MARCHF1: variants seen among roughly 807,000 people sequenced by gnomAD.
MARCHF1 encodes the protein E3 ubiquitin-protein ligase MARCHF1.
A neutral mutation model predicts 54.2 loss-of-function variants in MARCHF1; 40 were observed. The ratio of observed to expected loss-of-function variants is 0.74; its 90% confidence interval spans 0.57 to 0.96. MARCHF1 has a LOEUF of 0.96. Ranked by LOEUF, MARCHF1 falls within the 40% of genes least tolerant of loss-of-function variation. The pLI is 0.00. For synonymous variants in MARCHF1, 236 were observed against 236.3 expected, an observed-to-expected ratio of 1.00 and a Z score of 0.01; for missense variants, 586 against 656.5, an observed-to-expected ratio of 0.89 and a Z score of 1.17.
At chr4:164,349,616 AAAAGTTTT>A in intron 1 of MARCHF1, among the ~76,000 whole-genome samples, 1 of 152,210 alleles carries the variant, frequency 6.6e-6, no homozygotes, top group Non-Finnish European at 1.5e-5. Flanking sequence ...TTTAGAGAGT[AAAAGTTTT>A]CATAAGACTT....
At chr4:164,028,267 C>A (rs1039925576) in intron 2 of MARCHF1, among the ~76,000 whole-genome samples, 23 of 152,242 alleles carry the variant, frequency 1.5e-4, no homozygotes, top group Middle Eastern at 3.4e-3. Flanking sequence ...AAGACACATG[C>A]ATTTGTATGT....
intron 1 of MARCHF1, among the ~76,000 whole-genome samples, chr4:164,169,151 A>G (rs1730460831): frequency 4.6e-5 from 7 of 152,106 alleles, no homozygotes; most frequent in Admixed American, 4.6e-4. Flanking sequence ...CTTCATAATA[A>G]CCATTTTACT....
intron 4 of MARCHF1, among the ~76,000 whole-genome samples, chr4:163,823,340 T>C (rs545035173): frequency 2.0e-5 from 3 of 151,980 alleles, no homozygotes; most frequent in East Asian, 1.9e-4. Flanking sequence ...GTAGTTGATA[T>C]ATGATAGAAT....
At chr4:163,841,946 T>C (rs1006620996) in intron 4 of MARCHF1, among the ~76,000 whole-genome samples, 1 of 152,124 alleles carries the variant, frequency 6.6e-6, no homozygotes, top group Non-Finnish European at 1.5e-5. Context: ...GCTGTACTTA[T>C]GGATTATTTC....
intron 1 of MARCHF1, among the ~76,000 whole-genome samples, chr4:164,376,256 G>A (rs1433952581): frequency 6.6e-6 from 1 of 152,104 alleles, no homozygotes; most frequent in Non-Finnish European, 1.5e-5. Context: ...TTATTTAAAT[G>A]GTCTCACTTG....
At chr4:163,682,597 G>A (rs911072348) in intron 5 of MARCHF1, among the ~76,000 whole-genome samples, 6 of 152,174 alleles carry the variant, frequency 3.9e-5, no homozygotes, top group African/African-American at 1.4e-4. Context: ...GGTACAGCTT[G>A]GGCCAGATTA....
At chr4:163,683,039 TATA>T (rs1744156310) in intron 5 of MARCHF1, among the ~76,000 whole-genome samples, 1 of 152,150 alleles carries the variant, frequency 6.6e-6, no homozygotes, top group Admixed American at 6.5e-5. Flanking sequence ...CAAATAGAAG[TATA>T]ATATCTTGAG....
chr4:163,700,702 C>G (rs1349977101), intron 5 of MARCHF1, 111 bp downstream of exon 5: 3 of 788,098 alleles, frequency 3.8e-6, no homozygotes, highest in Middle Eastern at 2.8e-4. Flanking sequence ...ATGAACAAAT[C>G]ACATTTGTGT....
chr4:163,873,108 T>C (rs932975941), intron 3 of MARCHF1, among the ~76,000 whole-genome samples: 3 of 152,134 alleles, frequency 2.0e-5, no homozygotes, highest in African/African-American at 7.2e-5. Flanking sequence ...GATGAAGTCA[T>C]AGTTTTGTTA....
intron 4 of MARCHF1, among the ~76,000 whole-genome samples, chr4:163,821,816 A>C (rs1748700750): frequency 6.6e-6 from 1 of 150,462 alleles, no homozygotes; most frequent in Non-Finnish European, 1.5e-5. Flanking sequence ...TGTAAAAGAG[A>C]GCTCAGAGAA....
chr4:163,700,797 T>C lies in MARCHF1; in HGVS notation c.162+16A>G, dbSNP rs1248564190. The C allele has an allele frequency of 2.0e-6, 3 of 1,532,548 alleles. No homozygotes were observed. In the East Asian group the frequency reaches 7.4e-5, roughly 38 times the overall value. The allele number at this position is 1,532,548 out of a possible 1,614,324, so 94.9% of individuals were successfully genotyped here. On this transcript the variant is annotated intron_variant, in intron 5 of 9. Transcript: ENST00000514618. ...GTGCAGAAGTCAACAAACAAGAAAATGAGTACTTCACCTACTTTTGAAATG... is the reference window on the plus strand; with the variant it reads ...GTGCAGAAGTCAACAAACAAGAAAACGAGTACTTCACCTACTTTTGAAATG...
chr4:164,050,275 CAAAAAAAAAAAAAAAAAAA>C (rs34642436), intron 2 of MARCHF1, among the ~76,000 whole-genome samples: 1 of 40,166 alleles, frequency 2.5e-5, no homozygotes, highest in Non-Finnish European at 4.2e-5. Context: ...ACACTGTCTC[CAAAAAAAAAAAAAAAAAAA>C]AAAAAAAAAA....
chr4:163,905,651 A>G (rs1448446743), intron 3 of MARCHF1, among the ~76,000 whole-genome samples: 1 of 152,118 alleles, frequency 6.6e-6, no homozygotes. Context: ...TTGAGATGCT[A>G]TAATCCAGAT....
At chr4:163,949,539 G>C (rs138982349) in intron 3 of MARCHF1, among the ~76,000 whole-genome samples, 1 of 152,228 alleles carries the variant, frequency 6.6e-6, no homozygotes, top group East Asian at 1.9e-4. Flanking sequence ...TCAGCGGGTC[G>C]CAAGTTCTTG....
chr4:163,611,245 G>A (rs1018391501), intron 7 of MARCHF1, among the ~76,000 whole-genome samples: 3 of 151,906 alleles, frequency 2.0e-5, no homozygotes, highest in Non-Finnish European at 4.4e-5. Flanking sequence ...ATATGAATGA[G>A]GATTTTATGA....
chr4:163,575,018 C>T lies in MARCHF1; in HGVS notation c.1191+10731G>A, dbSNP rs185703368. On this transcript the variant is annotated intron_variant, in intron 8 of 9. Coordinates refer to ENST00000514618, the MANE Select transcript of MARCHF1 (RefSeq NM_001394959.1). ...AGCAGTGGTTTGTAGTTCTCCTTGA[C>T]GTGATCTTGCCTGATTGCTATGGCT... 1.3e-3 allele frequency among the ~76,000 whole-genome samples: 192 copies of T among 151,906 alleles called. 2 individuals are homozygous for T. The highest frequency in any genetic ancestry group is 0.011 in the Admixed American group (172 of 15,194).
intron 1 of MARCHF1, among the ~76,000 whole-genome samples, chr4:164,229,381 G>T (rs1407644838): frequency 6.6e-6 from 1 of 152,138 alleles, no homozygotes; most frequent in Non-Finnish European, 1.5e-5. Flanking sequence ...CAACACTGTG[G>T]AAAGGCCTGA....
At chr4:164,294,531 T>C (rs1327309725) in intron 1 of MARCHF1, among the ~76,000 whole-genome samples, 1 of 152,164 alleles carries the variant, frequency 6.6e-6, no homozygotes, top group East Asian at 1.9e-4. Context: ...AACAACTGCT[T>C]CCTAACGTTT....
At chr4:164,107,268 G>T (rs1755726603) in intron 2 of MARCHF1, among the ~76,000 whole-genome samples, 1 of 149,982 alleles carries the variant, frequency 6.7e-6, no homozygotes, top group Non-Finnish European at 1.5e-5. Flanking sequence ...TTTTTAAATT[G>T]GATAATATTT....
Sources: gnomAD v4.1 joint callset for allele counts (sites outside exome capture counted in the v4.1 genomes callset) on GRCh38, gnomAD v4.1.1 for gene constraint, MANE v1.5 for transcripts, NCBI Gene and HGNC (gene_info 2026-07-23, HGNC 2026-07-21) for gene names.